Variants in UBE2E2 observed in about 807,000 individuals in gnomAD.
The protein encoded by UBE2E2 is ubiquitin conjugating enzyme E2 E2.
Under a neutral mutation model 24.7 loss-of-function variants are expected in UBE2E2, and 6 were observed. The observed-to-expected ratio is 0.24, with a 90% CI of 0.13 to 0.48. The LOEUF (loss-of-function observed/expected upper bound fraction) is 0.48, where lower values mean the gene tolerates loss of function less well. UBE2E2 is among the 20% of genes least tolerant of loss of function. The pLI is 0.99. For missense variants in UBE2E2, 169 were observed against 245.0 expected (o/e 0.69, Z 2.07); for synonymous variants, 104 against 83.6 (o/e 1.24, Z -1.33).
intron 4 of UBE2E2, among the ~76,000 whole-genome samples, chr3:23,511,912 G>A (rs1694602297): frequency 6.6e-6 from 1 of 152,142 alleles, no homozygotes; most frequent in South Asian, 2.1e-4. Context: ...ATAATTACCT[G>A]TAGTTGCAGT....
intron 4 of UBE2E2, among the ~76,000 whole-genome samples, chr3:23,526,716 GTC>G (rs1042005052): frequency 6.6e-6 from 1 of 152,202 alleles, no homozygotes; most frequent in African/African-American, 2.4e-5. Flanking sequence ...AGTTGTGGGA[GTC>G]TCTGACATTA....
intron 5 of UBE2E2, among the ~76,000 whole-genome samples, chr3:23,543,974 A>G (rs1404993853): frequency 3.3e-5 from 5 of 152,214 alleles, no homozygotes; most frequent in Non-Finnish European, 7.3e-5. Flanking sequence ...AGGACACCCT[A>G]TTCAACAAAT....
At chr3:23,386,626 G>C (rs1489852923) in intron 3 of UBE2E2, among the ~76,000 whole-genome samples, 1 of 152,180 alleles carries the variant, frequency 6.6e-6, no homozygotes, top group African/African-American at 2.4e-5. Flanking sequence ...AATGTATAAT[G>C]AGTTTTTAAT....
chr3:23,531,060 G>A (rs1410009288), intron 4 of UBE2E2, among the ~76,000 whole-genome samples: 2 of 152,162 alleles, frequency 1.3e-5, no homozygotes, highest in Non-Finnish European at 2.9e-5. Flanking sequence ...TATCTGGTCT[G>A]GCATGATGCT....
In UBE2E2 at chr3:23,415,696, T is replaced by G. The variant is rs561209091; in HGVS notation, c.228-83912T>G. ...TTGGAATTTGCTGACTTTTTGTAGG[T>G]CATATCAGTAAATAAAACCCTTTTC... On this transcript the variant is annotated intron_variant, in intron 3 of 5. Coordinates refer to ENST00000396703, the MANE Select transcript of UBE2E2 (RefSeq NM_152653.4). Among the ~76,000 whole-genome samples the G allele has an allele frequency of 3.3e-5, 5 of 152,310 alleles. No homozygotes were observed. In the South Asian group the frequency reaches 1.0e-3, roughly 32 times the overall value.
At chr3:23,513,755 A>C (rs749045407) in intron 4 of UBE2E2, among the ~76,000 whole-genome samples, 1 of 152,210 alleles carries the variant, frequency 6.6e-6, no homozygotes, top group Non-Finnish European at 1.5e-5. Context: ...ATCTGATATA[A>C]ATAAAAGAAT....
At chr3:23,239,172 T>A (rs1697192373) in intron 3 of UBE2E2, among the ~76,000 whole-genome samples, 1 of 152,188 alleles carries the variant, frequency 6.6e-6, no homozygotes. Context: ...ACCTCAGTTA[T>A]GATACCGTAA....
intron 3 of UBE2E2, among the ~76,000 whole-genome samples, chr3:23,278,217 G>C (rs1173709296): frequency 6.6e-6 from 1 of 151,994 alleles, no homozygotes; most frequent in Non-Finnish European, 1.5e-5. Flanking sequence ...ACATAATTAA[G>C]TTATGTATGT....
At chr3:23,309,720 G>A (rs975462209) in intron 3 of UBE2E2, among the ~76,000 whole-genome samples, 7 of 152,162 alleles carry the variant, frequency 4.6e-5, no homozygotes, top group East Asian at 1.9e-4. Flanking sequence ...CTGAATAGCA[G>A]CGTTTAGTCA....
chr3:23,377,147 T>C (rs1325556940), intron 3 of UBE2E2, among the ~76,000 whole-genome samples: 3 of 152,222 alleles, frequency 2.0e-5, no homozygotes, highest in African/African-American at 7.2e-5. Flanking sequence ...GTTCTGTTTC[T>C]GACCATGGAT....
chr3:23,258,516 C>T (rs373934652), intron 3 of UBE2E2, among the ~76,000 whole-genome samples: 1 of 152,086 alleles, frequency 6.6e-6, no homozygotes, highest in African/African-American at 2.4e-5. Context: ...TTAATAACAA[C>T]GACAGTAAAA....
At chr3:23,433,794 A>G (rs1238383467) in intron 3 of UBE2E2, among the ~76,000 whole-genome samples, 1 of 151,988 alleles carries the variant, frequency 6.6e-6, no homozygotes, top group East Asian at 1.9e-4. Flanking sequence ...TAAATTTACA[A>G]CTTCCAAGAA....
chr3:23,477,271 G>C (rs972485731), intron 3 of UBE2E2, among the ~76,000 whole-genome samples: 3 of 152,178 alleles, frequency 2.0e-5, no homozygotes, highest in Non-Finnish European at 2.9e-5. Context: ...AGGAGCTTTT[G>C]TATGATTAGT....
chr3:23,516,048 A>C (rs1694732195), intron 4 of UBE2E2, among the ~76,000 whole-genome samples: 1 of 150,478 alleles, frequency 6.6e-6, no homozygotes, highest in South Asian at 2.1e-4. Flanking sequence ...ATTCCACTCC[A>C]AAAAAGATGT....
At chr3:23,293,708 C>CAGG (rs1698830701) in intron 3 of UBE2E2, among the ~76,000 whole-genome samples, 1 of 152,194 alleles carries the variant, frequency 6.6e-6, no homozygotes, top group Non-Finnish European at 1.5e-5. Flanking sequence ...ACTGTCATAG[C>CAGG]AGGCTCTTCT....
intron 4 of UBE2E2, among the ~76,000 whole-genome samples, chr3:23,512,066 C>T (rs1694607233): frequency 6.6e-6 from 1 of 152,108 alleles, no homozygotes; most frequent in Non-Finnish European, 1.5e-5. Flanking sequence ...ATTAGAACTC[C>T]TGGCCTCCTA....
chr3:23,472,524 C>T (rs1030623423), intron 3 of UBE2E2, among the ~76,000 whole-genome samples: 2 of 150,992 alleles, frequency 1.3e-5, no homozygotes, highest in South Asian at 4.2e-4. Flanking sequence ...GCAAAGTATT[C>T]TTTGTCACCA....
chr3:23,300,915 G>C (rs1011972831), intron 3 of UBE2E2, among the ~76,000 whole-genome samples: 2 of 152,130 alleles, frequency 1.3e-5, no homozygotes, highest in African/African-American at 4.8e-5. Flanking sequence ...TCACTTTCAG[G>C]TACACCAATC....
At chr3:23,450,217 T>A (rs1156419706) in intron 3 of UBE2E2, among the ~76,000 whole-genome samples, 2 of 152,226 alleles carry the variant, frequency 1.3e-5, no homozygotes, top group African/African-American at 2.4e-5. Flanking sequence ...TTAAGTGTGA[T>A]TAGTGAAACA....
Sources: allele counts gnomAD v4.1 joint callset (sites outside exome capture counted in the v4.1 genomes callset), GRCh38; gene constraint gnomAD v4.1.1; transcripts MANE v1.5; gene names NCBI Gene and HGNC (gene_info 2026-07-23, HGNC 2026-07-21).